The following ATP13A3 variants were observed in gnomAD, a reference collection of about 807,000 sequenced individuals.
ATP13A3 encodes the protein polyamine-transporting ATPase 13A3.
A neutral mutation model predicts 158.1 loss-of-function variants in ATP13A3; 59 were observed. That is an observed-to-expected ratio of 0.37 (90% CI 0.30 to 0.46). The LOEUF is 0.46. Ranked by LOEUF, ATP13A3 falls within the 20% of genes least tolerant of loss-of-function variation. The pLI, the probability that ATP13A3 is intolerant of heterozygous loss-of-function variation, is 1.00. For missense variants in ATP13A3, 1,166 were observed against 1,525.2 expected, an observed-to-expected ratio of 0.76 and a Z score of 3.92; for synonymous variants, 491 against 504.3, an observed-to-expected ratio of 0.97 and a Z score of 0.35.
intron 20 of ATP13A3, among the ~76,000 whole-genome samples, chr3:194,435,054 C>T (rs1019729773): frequency 2.6e-5 from 4 of 152,102 alleles, no homozygotes; most frequent in Admixed American, 2.0e-4. Flanking sequence ...CTTGGAATAA[C>T]CAAATGATTT....
chr3:194,447,805 GATAA>G, intron 13 of ATP13A3, 43 bp downstream of exon 13: 2 of 1,481,004 alleles, frequency 1.4e-6, no homozygotes, highest in East Asian at 2.3e-5. Context: ...AGCTGCATAT[GATAA>G]ATAATTGAGG....
intron 29 of ATP13A3, 38 bp from the exon 30 acceptor site, chr3:194,425,567 TA>T: frequency 1.3e-6 from 2 of 1,518,500 alleles, no homozygotes; most frequent in Non-Finnish European, 1.8e-6. Flanking sequence ...TTAGTAAACA[TA>T]ATACTCATTT....
rs369349592 is a variant in ATP13A3, at chr3:194,448,611, A to G, written c.996T>C (p.Thr332=). ...CATCCACTGAAGGATTTGGCAAATT[A>G]GTCTTTGTCACTGGAACACTTTCTC... The part of the protein sequence containing the change: ...LTGESVPVTK[T]NLPNPSVDVK... The change falls in exon 12 of 34, where the codon ACT becomes ACC. Residue 332 remains threonine, a synonymous_variant. Transcript: ENST00000645319. This position sits in a 1 kb window ranked among gnomAD's most constrained non-coding sequence, Gnocchi z 4.0. 7 of 1,612,586 alleles carry G rather than the reference A, an allele frequency of 4.3e-6. No individual in the cohort carries two copies. Among genetic ancestry groups the G allele is most frequent in the Non-Finnish European group, 5.9e-6 (7 of 1,179,560 alleles).
At chr3:194,413,012 C>G (rs1715550883) in intron 32 of ATP13A3, 1 of 152,210 alleles carries the variant, frequency 6.6e-6, no homozygotes, top group African/African-American at 2.4e-5. Context: ...CTATGAAACT[C>G]TTAACTTAAA....
In ATP13A3 at chr3:194,429,714, G is replaced by A. The variant is rs1223551275; in HGVS notation, c.2838C>T (p.Ser946=). Reference sequence around the variant, plus strand: ...GAGTAACACTGAAGTACTGGATAATGCTGTACAATGCCATGAATTTAAACA... The same window carrying A: ...GAGTAACACTGAAGTACTGGATAATACTGTACAATGCCATGAATTTAAACA... ...FCVFKFMALY[S]IIQYFSVTLL... The change falls in exon 27 of 34, where the codon AGC becomes AGT. Residue 946 remains serine (S), a synonymous_variant. Transcript: ENST00000645319. The A allele has an allele frequency of 6.2e-7, 1 of 1,613,782 alleles. No individual in the cohort carries two copies. The highest frequency in any genetic ancestry group is 1.7e-4 in the Middle Eastern group (1 of 6,060).
At chr3:194,454,443 C>T (rs2108934186) in intron 8 of ATP13A3, 51 bp from the exon 9 acceptor site, 2 of 1,504,758 alleles carry the variant, frequency 1.3e-6, no homozygotes, top group East Asian at 4.5e-5. Context: ...AATGACCATA[C>T]AGATTGTCCA....
In ATP13A3 at chr3:194,405,914, C is replaced by CA; in HGVS notation, c.*4dup. 1 of 1,613,430 alleles carries CA rather than the reference C, an allele frequency of 6.2e-7. No individual in the cohort carries two copies. Among genetic ancestry groups the CA allele is most frequent in the Non-Finnish European group, 8.5e-7 (1 of 1,179,428 alleles). The stretch of plus-strand genomic sequence containing the variant: ...ATCAGCAATACCACTGAGACTGATT[C>CA]ACTGCTATGTTATGGTGATGATTTG... On this transcript the variant is annotated 3_prime_UTR_variant, in exon 34 of 34. Coordinates refer to ENST00000645319, the MANE Select transcript of ATP13A3 (RefSeq NM_001367549.1).
At chr3:194,481,102 T>C (rs1720730354) in intron 2 of ATP13A3, among the ~76,000 whole-genome samples, 1 of 152,160 alleles carries the variant, frequency 6.6e-6, no homozygotes, top group Non-Finnish European at 1.5e-5. Flanking sequence ...AAAGGCCCCA[T>C]GAGCAGTGAT....
In ATP13A3 at chr3:194,437,558, G is replaced by T; in HGVS notation, c.1843C>A (p.Pro615Thr). 1.2e-6 allele frequency: 2 copies of T among 1,609,138 alleles called. No individual in the cohort carries two copies. The highest frequency in any genetic ancestry group is 8.5e-7 in the Non-Finnish European group (1 of 1,177,284). ...GNQEMELFEL[P>T]ATYEIGIVRQ... ...AGAAGTAAACATTCTTCACTTACTGGAAGTTCAAACAGCTCCTAAAAACGA... is the reference window on the plus strand; with the variant it reads ...AGAAGTAAACATTCTTCACTTACTGTAAGTTCAAACAGCTCCTAAAAACGA... Residue 615 changes from proline to threonine, a missense_variant and splice_region_variant, in exon 18 of 34, where the codon CCA becomes ACA. Around this residue, in one of 3 missense-constraint regions of ATP13A3, gnomAD observed 997 missense variants for 1,341.2 expected, o/e 0.74. Transcript: ENST00000645319.
At chr3:194,431,430 G>A (rs527832842) in intron 22 of ATP13A3, among the ~76,000 whole-genome samples, 1 of 152,130 alleles carries the variant, frequency 6.6e-6, no homozygotes, top group African/African-American at 2.4e-5. Context: ...TGAGTATGAT[G>A]GACCACCTGC....
chr3:194,462,366 G>A, intron 2 of ATP13A3, 130 bp from the exon 3 acceptor site: 1 of 600,888 alleles, frequency 1.7e-6, no homozygotes, highest in South Asian at 2.1e-5. Flanking sequence ...TTAGGAACAG[G>A]GCCACACAGT....
chr3:194,448,956 T>C lies in ATP13A3; in HGVS notation c.971-320A>G, dbSNP rs1276503178. 6.6e-6 allele frequency among the ~76,000 whole-genome samples: 1 copy of C among 151,978 alleles called. No individual in the cohort carries two copies. Among genetic ancestry groups the C allele is most frequent in the Non-Finnish European group, 1.5e-5 (1 of 68,006 alleles). ...ATAATTTCAAAAAAGATTAAGTAGT[T>C]GCTATAGTCCCTGCACCTCTAAGAA... On this transcript the variant is annotated intron_variant, in intron 11 of 33. Coordinates refer to ENST00000645319, the MANE Select transcript of ATP13A3 (RefSeq NM_001367549.1). The surrounding 1 kb of genome is among the most constrained non-coding windows in gnomAD (Gnocchi z 4.0).
In ATP13A3 at chr3:194,459,878, A is replaced by G. The variant is rs773255889; in HGVS notation, c.319T>C (p.Ser107Pro). The part of the protein sequence containing the change: ...SSPKSMSNKL[S>P]NGHAVCLIEN... ...ATTAAACAAACTGCATGGCCATTTG[A>G]AAGCTTATTAGACATAGATTTTGGA... Residue 107 changes from serine to proline, a missense_variant, in exon 5 of 34, where the codon TCA becomes CCA. This residue lies in a region of ATP13A3 where 104 missense variants were observed against 91.7 expected (regional missense o/e 1.13). Coordinates refer to ENST00000645319, the MANE Select transcript of ATP13A3 (RefSeq NM_001367549.1). 1.2e-6 allele frequency: 2 copies of G among 1,613,550 alleles called. No homozygotes were observed. The highest frequency in any genetic ancestry group is 1.1e-5 in the South Asian group (1 of 91,052).
chr3:194,464,719 G>C (rs1239267491), intron 2 of ATP13A3, among the ~76,000 whole-genome samples: 1 of 152,092 alleles, frequency 6.6e-6, no homozygotes, highest in African/African-American at 2.4e-5. Flanking sequence ...CTTCCTTAAG[G>C]GCTCAAAAAT....
intron 31 of ATP13A3, 135 bp from the exon 32 acceptor site, chr3:194,413,974 A>C: frequency 1.4e-6 from 1 of 728,860 alleles, no homozygotes; most frequent in Non-Finnish European, 2.4e-6. Flanking sequence ...CTTAATCCTC[A>C]ACAATGCCCC....
intron 3 of ATP13A3, among the ~76,000 whole-genome samples, 176 bp from the exon 4 acceptor site, chr3:194,461,007 T>C (rs1719617477): frequency 2.0e-5 from 3 of 152,234 alleles, no homozygotes; most frequent in African/African-American, 2.4e-5. Flanking sequence ...CAGTTTACTG[T>C]CAGTTATATT....
At chr3:194,468,550 T>A (rs1461445044) in intron 2 of ATP13A3, among the ~76,000 whole-genome samples, 35 of 152,186 alleles carry the variant, frequency 2.3e-4, no homozygotes. Context: ...ATGCTAAAAG[T>A]TAGTCAGATT....
intron 2 of ATP13A3, among the ~76,000 whole-genome samples, chr3:194,485,200 C>T (rs1720919100): frequency 6.6e-6 from 1 of 152,094 alleles, no homozygotes; most frequent in Non-Finnish European, 1.5e-5. Context: ...TAGGATAATG[C>T]AAATCAAAGA....
chr3:194,483,312 G>C (rs1720830675), intron 2 of ATP13A3, among the ~76,000 whole-genome samples: 2 of 150,364 alleles, frequency 1.3e-5, no homozygotes, highest in Non-Finnish European at 2.9e-5. Context: ...AAAAAGGACG[G>C]GGTGCAGTGA....
Sources: gnomAD v4.1 joint callset for allele counts (sites outside exome capture counted in the v4.1 genomes callset) on GRCh38, gnomAD v4.1.1 for gene constraint, gnomAD v4.1.1 regional missense constraint, Gnocchi (gnomAD v3.1) non-coding constraint, MANE v1.5 for transcripts, NCBI Gene and HGNC (gene_info 2026-07-23, HGNC 2026-07-21) for gene names.